Variants in TSHZ2 observed in about 807,000 individuals in gnomAD.
The protein encoded by TSHZ2 is teashirt homolog 2.
In TSHZ2, 21 loss-of-function variants were observed where a neutral mutation model predicts 74.4. That is an observed-to-expected ratio of 0.28 (90% confidence interval 0.20 to 0.41). The LOEUF (loss-of-function observed/expected upper bound fraction) is 0.41. Ranked by LOEUF, TSHZ2 falls within the 10% of genes least tolerant of loss-of-function variation. TSHZ2 has a pLI of 1.00. For synonymous variants in TSHZ2, 540 were observed against 515.3 expected, an observed-to-expected ratio of 1.05 and a Z score of -0.65; for missense variants, 1,244 against 1,293.5, an observed-to-expected ratio of 0.96 and a Z score of 0.59.
At chr20:53,082,468 G>A (rs570087823) in intron 1 of TSHZ2, among the ~76,000 whole-genome samples, 1 of 152,074 alleles carries the variant, frequency 6.6e-6, no homozygotes, top group Non-Finnish European at 1.5e-5. Flanking sequence ...ATTGCATCAA[G>A]TACCTACTAC....
chr20:53,138,136 A>G (rs1348474137), intron 1 of TSHZ2, among the ~76,000 whole-genome samples: 1 of 152,162 alleles, frequency 6.6e-6, no homozygotes, highest in Non-Finnish European at 1.5e-5. Flanking sequence ...TAATCCCAGC[A>G]CTTTGGGAGG....
intron 2 of TSHZ2, among the ~76,000 whole-genome samples, chr20:53,376,895 T>G (rs1285310284): frequency 6.6e-6 from 1 of 152,254 alleles, no homozygotes; most frequent in Non-Finnish European, 1.5e-5. Flanking sequence ...TTACCTCTTT[T>G]GCATTCTATG....
chr20:53,390,486 G>A (rs1982209289), intron 2 of TSHZ2, among the ~76,000 whole-genome samples: 1 of 152,208 alleles, frequency 6.6e-6, no homozygotes, highest in Non-Finnish European at 1.5e-5. Context: ...ATGCTTAGCA[G>A]CAGCAACTAT....
intron 1 of TSHZ2, among the ~76,000 whole-genome samples, chr20:53,248,141 G>A (rs1224600626): frequency 6.6e-6 from 1 of 152,156 alleles, no homozygotes; most frequent in Non-Finnish European, 1.5e-5. Context: ...CGTGATCACA[G>A]CTCACTGCAG....
At chr20:53,189,016 G>T (rs967170353) in intron 1 of TSHZ2, among the ~76,000 whole-genome samples, 1 of 152,320 alleles carries the variant, frequency 6.6e-6, no homozygotes, top group African/African-American at 2.4e-5. Context: ...CAGCTTAGAA[G>T]TAGCAGATTC....
At chr20:53,393,795 C>T (rs962158439) in intron 2 of TSHZ2, among the ~76,000 whole-genome samples, 9 of 152,130 alleles carry the variant, frequency 5.9e-5, no homozygotes, top group Non-Finnish European at 7.4e-5. Flanking sequence ...GACGTCTCCA[C>T]GGGGAGAAAC....
intron 1 of TSHZ2, among the ~76,000 whole-genome samples, chr20:53,223,687 C>T (rs989363859): frequency 7.9e-5 from 12 of 152,042 alleles, no homozygotes; most frequent in Admixed American, 3.3e-4. Flanking sequence ...TGAGCCACTG[C>T]GCCCAGCCCC....
chr20:53,243,729 A>G (rs901684800), intron 1 of TSHZ2, among the ~76,000 whole-genome samples: 2 of 151,962 alleles, frequency 1.3e-5, no homozygotes, highest in Non-Finnish European at 2.9e-5. Context: ...GACAGCAAAG[A>G]CTTTTCACCA....
At chr20:53,466,902 A>C (rs554875469) in intron 2 of TSHZ2, among the ~76,000 whole-genome samples, 1 of 152,300 alleles carries the variant, frequency 6.6e-6, no homozygotes, top group East Asian at 1.9e-4. Context: ...GTGCCTTTGG[A>C]AGATTCTAGT....
At chr20:53,341,020 T>G (rs1031147187) in intron 2 of TSHZ2, among the ~76,000 whole-genome samples, 3 of 152,218 alleles carry the variant, frequency 2.0e-5, no homozygotes, top group African/African-American at 7.2e-5. Context: ...TGTATAAGTT[T>G]TAGGTCTGCT....
At chr20:53,084,451 T>C (rs1294255529) in intron 1 of TSHZ2, among the ~76,000 whole-genome samples, 1 of 152,226 alleles carries the variant, frequency 6.6e-6, no homozygotes, top group African/African-American at 2.4e-5. Context: ...GATGCTGTAA[T>C]CCATACAGAG....
At chr20:53,076,525 G>A in intron 1 of TSHZ2, among the ~76,000 whole-genome samples, 1 of 152,136 alleles carries the variant, frequency 6.6e-6, no homozygotes, top group Middle Eastern at 3.2e-3. Context: ...ACTATGAAAG[G>A]ACTGGGCCAG....
Position 53,491,090 on chromosome 20 carries a change from C to T in TSHZ2, c.*3955C>T, listed in dbSNP as rs1986437503. ...AAAAAAAAAAAAAAACCCCAAATGT[C>T]ATTTTTCACATTATCCTCTCTTCTC... On this transcript the variant is annotated 3_prime_UTR_variant, in exon 3 of 3. Coordinates refer to ENST00000371497, the MANE Select transcript of TSHZ2 (RefSeq NM_173485.6). The T allele has an allele frequency of 6.8e-6, 1 of 147,988 alleles. No individual in the cohort carries two copies. Among genetic ancestry groups the T allele is most frequent in the African/African-American group, 2.5e-5 (1 of 40,274 alleles). 9.2% of individuals were successfully genotyped at this position (147,988 alleles called of 1,614,324 possible).
At chr20:53,463,786 C>T (rs1218335828) in intron 2 of TSHZ2, among the ~76,000 whole-genome samples, 7 of 152,180 alleles carry the variant, frequency 4.6e-5, no homozygotes, top group African/African-American at 7.2e-5. Flanking sequence ...TGCTTAGAGG[C>T]GGGAGCCTCA....
chr20:53,404,271 A>C (rs996509695), intron 2 of TSHZ2, among the ~76,000 whole-genome samples: 3 of 152,186 alleles, frequency 2.0e-5, no homozygotes, highest in East Asian at 3.8e-4. Context: ...CCTTATATTC[A>C]CCTAAGATTT....
intron 2 of TSHZ2, among the ~76,000 whole-genome samples, chr20:53,304,499 C>T (rs1028168675): frequency 5.3e-5 from 8 of 152,054 alleles, no homozygotes; most frequent in Admixed American, 3.9e-4. Context: ...AAACGAACAA[C>T]AACAACAGCA....
chr20:53,422,642 G>T (rs55761649), intron 2 of TSHZ2, among the ~76,000 whole-genome samples: 1 of 151,818 alleles, frequency 6.6e-6, no homozygotes, highest in Non-Finnish European at 1.5e-5. Context: ...CACACCCGCC[G>T]GCCAGGCCTC....
intron 1 of TSHZ2, among the ~76,000 whole-genome samples, chr20:53,041,988 A>G (rs1720259006): frequency 6.6e-6 from 1 of 152,172 alleles, no homozygotes; most frequent in Non-Finnish European, 1.5e-5. Flanking sequence ...AGAGAGGAGC[A>G]TTCTGAGATT....
In TSHZ2 at chr20:53,149,598, T is replaced by C. The variant is rs551016695; in HGVS notation, c.41-103901T>C. On this transcript the variant is annotated intron_variant, in intron 1 of 2. Transcript: ENST00000371497. ...CCTTCAGAGATTTCCGCTCAGCTCATGGTGCCAATGAGGAGACCGTAACAG... is the reference window on the plus strand; with the variant it reads ...CCTTCAGAGATTTCCGCTCAGCTCACGGTGCCAATGAGGAGACCGTAACAG... Among the ~76,000 whole-genome samples the C allele has an allele frequency of 3.9e-5, 6 of 152,302 alleles. No homozygotes were observed. The South Asian group carries it at 1.2e-3, about 32-fold the overall frequency.
Sources: gnomAD v4.1 joint callset for allele counts (sites outside exome capture counted in the v4.1 genomes callset) on GRCh38, gnomAD v4.1.1 for gene constraint, MANE v1.5 for transcripts, NCBI Gene and HGNC (gene_info 2026-07-23, HGNC 2026-07-21) for gene names.